Variants in ZCCHC14 observed in about 807,000 individuals in gnomAD.
ZCCHC14 encodes zinc finger CCHC-type containing 14.
ZCCHC14 carries 16 observed loss-of-function variants against 85.0 expected under a neutral mutation model. The ratio of observed to expected loss-of-function variants is 0.19; its 90% CI spans 0.13 to 0.29. ZCCHC14 has a LOEUF of 0.29. Among genes scored for constraint, ZCCHC14 ranks in the 10% least tolerant of loss-of-function variants. The pLI, the probability that ZCCHC14 is intolerant of heterozygous loss-of-function variation, is 1.00. For missense variants in ZCCHC14, 1,303 were observed against 1,443.5 expected (o/e 0.90, Z 1.58); for synonymous variants, 775 against 630.7 (o/e 1.23, Z -3.43).
Position 87,407,026 on chromosome 16 carries a change from G to T in ZCCHC14, c.*3254C>A, listed in dbSNP as rs1279140430. 6.6e-6 allele frequency: 1 copy of T among 152,248 alleles called. No homozygotes were observed. The highest frequency in any genetic ancestry group is 2.4e-5 in the African/African-American group (1 of 41,454). The allele number at this position is 152,248 out of a possible 1,614,324, so 9.4% of individuals were successfully genotyped here. On this transcript the variant is annotated 3_prime_UTR_variant, in exon 13 of 13. Coordinates refer to ENST00000671377, the MANE Select transcript of ZCCHC14 (RefSeq NM_015144.3). Reference sequence around the variant, plus strand: ...CATAAAATAAAACACTGGGAAGCAGGAAGAGTGACAAGAAAATGACAGGGA... The same window carrying T: ...CATAAAATAAAACACTGGGAAGCAGTAAGAGTGACAAGAAAATGACAGGGA...
intron 2 of ZCCHC14, among the ~76,000 whole-genome samples, chr16:87,452,468 C>G (rs1368219895): frequency 2.6e-5 from 4 of 151,996 alleles, no homozygotes; most frequent in Admixed American, 2.6e-4. Context: ...GCAGAACAGG[C>G]TTGGGTAAGA....
At position 87,452,837 on chromosome 16, in the gene ZCCHC14, T is replaced by C. The variant is rs754892577; in HGVS notation, c.694+7171A>G. ...GTGCAGGTGCTGAGGCTGGGGTGAG[T>C]GGTGCAGCTGAAAGAAACAGCGAAG... is the stretch of plus-strand genomic sequence containing the variant. On this transcript the variant is annotated intron_variant, in intron 2 of 12. Transcript: ENST00000671377. 7.2e-4 allele frequency among the ~76,000 whole-genome samples: 109 copies of C among 151,810 alleles called. 2 individuals carry two copies. Among genetic ancestry groups the C allele is most frequent in the Non-Finnish European group, 1.5e-4 (10 of 67,948 alleles).
Position 87,491,533 on chromosome 16 carries a change from T to G in ZCCHC14, c.570+136A>C. On this transcript the variant is annotated intron_variant, in intron 1 of 12. Coordinates refer to ENST00000671377, the MANE Select transcript of ZCCHC14 (RefSeq NM_015144.3). This position sits in a 1 kb window ranked among gnomAD's most constrained non-coding sequence, Gnocchi z 5.9. ...ACGGGCTGGGGGCTCGTGGTGCAGG[T>G]TGGAGACCTGGGTGGGAGCTCTCAG... is the stretch of plus-strand genomic sequence containing the variant. The G allele has an allele frequency of 2.7e-6, 2 of 730,440 alleles. No individual in the cohort carries two copies. Among genetic ancestry groups the G allele is most frequent in the South Asian group, 2.9e-5 (1 of 34,088 alleles). 45.2% of individuals were successfully genotyped at this position (730,440 alleles called of 1,614,324 possible). A position where few individuals can be genotyped will look rare whatever the true frequency, so the allele number is the denominator to read the frequency against.
At chr16:87,439,401 G>T (rs772026056) in intron 2 of ZCCHC14, among the ~76,000 whole-genome samples, 7 of 152,170 alleles carry the variant, frequency 4.6e-5, no homozygotes, top group Non-Finnish European at 8.8e-5. Flanking sequence ...CCAAAGTGCT[G>T]GGATTACAGG....
At chr16:87,414,739 T>C (rs970569322) in intron 9 of ZCCHC14, among the ~76,000 whole-genome samples, 198 bp from the exon 10 acceptor site, 1 of 152,242 alleles carries the variant, frequency 6.6e-6, no homozygotes, top group Admixed American at 6.5e-5. Flanking sequence ...TCAAATTTAC[T>C]ATAAAGGTCC....
chr16:87,447,952 G>C (rs1343546526), intron 2 of ZCCHC14, among the ~76,000 whole-genome samples: 1 of 152,094 alleles, frequency 6.6e-6, no homozygotes, highest in East Asian at 1.9e-4. Flanking sequence ...CTGGCGACTT[G>C]AATCATGACA....
intron 3 of ZCCHC14, among the ~76,000 whole-genome samples, chr16:87,432,536 C>A (rs2150737690): frequency 6.6e-6 from 1 of 152,126 alleles, no homozygotes; most frequent in East Asian, 1.9e-4. Context: ...GGGCCTGTAC[C>A]CCTAAGGGCA....
chr16:87,491,655 G>A lies in ZCCHC14; in HGVS notation c.570+14C>T, dbSNP rs747418122. On this transcript the variant is annotated intron_variant, in intron 1 of 12. Coordinates refer to ENST00000671377, the MANE Select transcript of ZCCHC14 (RefSeq NM_015144.3). The surrounding 1 kb of genome is among the most constrained non-coding windows in gnomAD (Gnocchi z 5.9). Reference sequence around the variant, plus strand: ...GACTTGGGGTACAGGGCAGAGCTCGGGGCGGGCACGCACCTTGTGGCAGGC... The same window carrying A: ...GACTTGGGGTACAGGGCAGAGCTCGAGGCGGGCACGCACCTTGTGGCAGGC... 3.6e-6 allele frequency: 5 copies of A among 1,396,870 alleles called. No individual in the cohort carries two copies. The highest frequency in any genetic ancestry group is 7.1e-5 in the Admixed American group (2 of 27,978). The allele number at this position is 1,396,870 out of a possible 1,614,324, so 86.5% of individuals were successfully genotyped here. A position where few individuals can be genotyped will look rare whatever the true frequency, so the allele number is the denominator to read the frequency against.
rs950719843 is a variant in ZCCHC14 at position 87,466,510 on chromosome 16, G to A, written c.571-6379C>T. On this transcript the variant is annotated intron_variant, in intron 1 of 12. Coordinates refer to ENST00000671377, the MANE Select transcript of ZCCHC14 (RefSeq NM_015144.3). ...CTGGCAGTTCGATGACACCTACTGA[G>A]CCCTTCTAAGAAACATATTTTAAAT... Among the ~76,000 whole-genome samples, 7 of 152,190 alleles carry A rather than the reference G, an allele frequency of 4.6e-5. No homozygotes were observed. In the East Asian group the frequency reaches 1.3e-3, roughly 29 times the overall value.
intron 2 of ZCCHC14, among the ~76,000 whole-genome samples, chr16:87,438,024 G>C (rs557472990): frequency 6.6e-6 from 1 of 152,362 alleles, no homozygotes; most frequent in Non-Finnish European, 1.5e-5. Context: ...CCTGCTGCTG[G>C]CCATGTGGCA....
At chr16:87,436,395 G>C (rs1245428250) in intron 2 of ZCCHC14, among the ~76,000 whole-genome samples, 2 of 152,274 alleles carry the variant, frequency 1.3e-5, no homozygotes, top group Non-Finnish European at 2.9e-5. Context: ...GACCCCATGT[G>C]CTCCGCGGGC....
In ZCCHC14 at chr16:87,460,067, G is replaced by C. The variant is rs375692463; in HGVS notation, c.635C>G (p.Thr212Arg). ...CGACTCCTCCGTGGAATGTGCTGAT[G>C]TGTGCAGGGCATTCTCCAAACTATT... The part of the protein sequence containing the change: ...VSNSLENALH[T>R]SAHSTEESLP... The change falls in exon 2 of 13, where the codon ACA (threonine) becomes AGA (arginine). Residue 212 changes from threonine (T) to arginine (R), a missense_variant. Physicochemically the swap from Thr to Arg is moderately conservative, Grantham distance 71. This residue lies in a region of ZCCHC14 where 389 missense variants were observed against 397.8 expected (regional missense o/e 0.98). Transcript: ENST00000671377. 4.2e-5 allele frequency: 68 copies of C among 1,614,092 alleles called. No homozygotes were observed. In the Middle Eastern group the frequency reaches 1.3e-3, roughly 31 times the overall value.
intron 1 of ZCCHC14, among the ~76,000 whole-genome samples, chr16:87,486,689 A>G (rs547233865): frequency 1.3e-5 from 2 of 152,352 alleles, no homozygotes; most frequent in African/African-American, 4.8e-5. Context: ...AAAAAGATCC[A>G]CTATGTGTTA....
intron 9 of ZCCHC14, 48 bp from the exon 10 acceptor site, chr16:87,414,589 C>T: frequency 1.9e-6 from 3 of 1,572,080 alleles, no homozygotes; most frequent in Non-Finnish European, 1.7e-6. Context: ...CCTACTGGTG[C>T]TGCCTCACAT....
chr16:87,461,357 G>A (rs1274160407), intron 1 of ZCCHC14, among the ~76,000 whole-genome samples: 3 of 152,304 alleles, frequency 2.0e-5, no homozygotes, highest in South Asian at 4.1e-4. Flanking sequence ...TAACTTATAG[G>A]ATTTAGAAGA....
At chr16:87,435,844 A>C (rs1909895596) in intron 2 of ZCCHC14, among the ~76,000 whole-genome samples, 1 of 152,272 alleles carries the variant, frequency 6.6e-6, no homozygotes. Flanking sequence ...AGCACAGCAC[A>C]TTTAGAGGCT....
chr16:87,419,233 A>AT (rs1908960029), intron 6 of ZCCHC14, among the ~76,000 whole-genome samples: 1 of 151,388 alleles, frequency 6.6e-6, no homozygotes, highest in African/African-American at 2.4e-5. Flanking sequence ...GGTTCAAGTG[A>AT]TTCTCCTGCC....
chr16:87,427,939 A>ATTTTT (rs34933427), intron 3 of ZCCHC14, among the ~76,000 whole-genome samples: 1 of 137,134 alleles, frequency 7.3e-6, no homozygotes, highest in South Asian at 2.5e-4. Flanking sequence ...GGCCTCTATG[A>ATTTTT]TTTTTTTTTT....
chr16:87,411,393 T>A, intron 12 of ZCCHC14, 123 bp downstream of exon 12: 1 of 1,519,686 alleles, frequency 6.6e-7, no homozygotes, highest in Non-Finnish European at 8.7e-7. Flanking sequence ...CCACGCGCTT[T>A]CAAAGAGCAT....
Sources: gnomAD v4.1 joint callset for allele counts (sites outside exome capture counted in the v4.1 genomes callset) on GRCh38, gnomAD v4.1.1 for gene constraint, gnomAD v4.1.1 regional missense constraint, Gnocchi (gnomAD v3.1) non-coding constraint, MANE v1.5 for transcripts, NCBI Gene and HGNC (gene_info 2026-07-23, HGNC 2026-07-21) for gene names.